The following F13B variants were observed in gnomAD, a reference collection of about 807,000 sequenced individuals.
The protein encoded by F13B is TGase.
In F13B, 58 loss-of-function variants were observed where a neutral mutation model predicts 79.8. The observed-to-expected ratio is 0.73, with a 90% CI of 0.59 to 0.90. The LOEUF (loss-of-function observed/expected upper bound fraction) is 0.90. Among genes scored for constraint, F13B ranks in the 40% least tolerant of loss-of-function variants. The pLI is 0.00. For missense variants in F13B, 773 were observed against 777.0 expected, an observed-to-expected ratio of 0.99 and a Z score of 0.06; for synonymous variants, 283 against 260.3, an observed-to-expected ratio of 1.09 and a Z score of -0.84.
chr1:197,040,474 CAATCTGACCAAAAAAAAT>C (rs779250152), intron 11 of F13B, 30 bp downstream of exon 11: 39 of 1,338,842 alleles, frequency 2.9e-5, no homozygotes, highest in Non-Finnish European at 3.7e-5. Flanking sequence ...TGTTGAATAA[CAATCTGACCAAAAAAAAT>C]AATCTGACCA....
chr1:197,046,053 A>G (rs1369509531), intron 10 of F13B, among the ~76,000 whole-genome samples: 1 of 152,164 alleles, frequency 6.6e-6, no homozygotes, highest in Non-Finnish European at 1.5e-5. Context: ...CCCACCACCA[A>G]TATCTTACTG....
chr1:197,042,817 TA>T (rs896748673), intron 10 of F13B, among the ~76,000 whole-genome samples: 1,500 of 134,076 alleles, frequency 0.011, 15 homozygotes, highest in Middle Eastern at 0.038. Flanking sequence ...GGAGACTGTC[TA>T]AAAAAAAAAA....
intron 5 of F13B, 24 bp downstream of exon 5, chr1:197,060,342 C>T (rs779319934): frequency 1.1e-5 from 17 of 1,580,338 alleles, no homozygotes; most frequent in African/African-American, 8.1e-5. Context: ...TGGCATTTTG[C>T]GAGTATTAAA....
In F13B at chr1:197,050,743, C is replaced by A; in HGVS notation, c.1692G>T (p.Glu564Asp). The A allele has an allele frequency of 6.2e-7, 1 of 1,613,190 alleles. No homozygotes were observed. The highest frequency in any genetic ancestry group is 8.5e-7 in the Non-Finnish European group (1 of 1,179,550). The change falls in exon 10 of 12, where the codon GAG becomes GAT. Residue 564 changes from glutamate (E) to aspartate (D), a missense_variant. Physicochemically the swap from Glu to Asp is conservative, Grantham distance 45 (BLOSUM62 2). Coordinates refer to ENST00000367412, the MANE Select transcript of F13B (RefSeq NM_001994.3). ...FDHHFLEGSR[E>D]AYCLDGMWTT... ...TCCACATTCCATCTAAACAATAGGC[C>A]TCCCTAGATCCTTCTAGGAAATGGT...
intron 1 of F13B, among the ~76,000 whole-genome samples, chr1:197,065,610 G>A (rs1656020385): frequency 6.6e-6 from 1 of 152,118 alleles, no homozygotes; most frequent in Admixed American, 6.6e-5. Context: ...CTGCCATTCT[G>A]CAAAAGTAAT....
rs577879343 is a variant in F13B at position 197,062,076 on chromosome 1, G to A, written c.266-107C>T. On this transcript the variant is annotated intron_variant, in intron 2 of 11. Transcript: ENST00000367412. ...ATGTTATTATTGGCGATTTCATTTT[G>A]GAAATATCTGCATAATTTTTTTGAA... is the stretch of plus-strand genomic sequence containing the variant. 12 of 927,100 alleles carry A rather than the reference G, an allele frequency of 1.3e-5. No homozygotes were observed. The Admixed American group carries it at 1.8e-4, about 14-fold the overall frequency. 57.4% of individuals were successfully genotyped at this position (927,100 alleles called of 1,614,324 possible). A position where few individuals can be genotyped will look rare whatever the true frequency, so the allele number is the denominator to read the frequency against.
chr1:197,042,498 T>C (rs1056013337), intron 10 of F13B, among the ~76,000 whole-genome samples: 1 of 151,690 alleles, frequency 6.6e-6, no homozygotes, highest in Non-Finnish European at 1.5e-5. Context: ...AGTAAGGTTC[T>C]GGAAAAAATG....
intron 8 of F13B, 151 bp from the exon 9 acceptor site, chr1:197,052,985 G>A: frequency 1.8e-6 from 1 of 553,538 alleles, no homozygotes; most frequent in Non-Finnish European, 3.1e-6. Flanking sequence ...ATATATATAA[G>A]AAAATATATA....
At chr1:197,062,756 A>G (rs1357873317) in intron 2 of F13B, 101 bp downstream of exon 2, 2 of 1,074,274 alleles carry the variant, frequency 1.9e-6, no homozygotes, top group African/African-American at 3.1e-5. Flanking sequence ...GTTCTTATCT[A>G]CTAAAAGGTT....
Position 197,055,782 on chromosome 1 carries a change from G to A in F13B, c.1287C>T (p.Tyr429=), listed in dbSNP as rs748806152. 1.9e-6 allele frequency: 3 copies of A among 1,613,534 alleles called. No homozygotes were observed. Among genetic ancestry groups the A allele is most frequent in the African/African-American group, 2.7e-5 (2 of 74,972 alleles). Residue 429 remains tyrosine, a synonymous_variant, in exon 8 of 12, where the codon TAC becomes TAT. Coordinates refer to ENST00000367412, the MANE Select transcript of F13B (RefSeq NM_001994.3). ...SSVEYRCNEY[Y]LLRGSKISRC... is the part of the protein sequence containing the mutation. ...GAGATATTTTTGATCCCCTCAGTAA[G>A]TAATATTCATTGCATCTATATTCCA...
chr1:197,040,291 C>T (rs1654988402), intron 11 of F13B: 1 of 486,198 alleles, frequency 2.1e-6, no homozygotes, highest in Admixed American at 3.6e-5. Flanking sequence ...GCCAAAGTGT[C>T]ACAAATATCA....
At chr1:197,050,000 TAGAA>T (rs1277387601) in intron 10 of F13B, among the ~76,000 whole-genome samples, 5 of 152,026 alleles carry the variant, frequency 3.3e-5, no homozygotes, top group Non-Finnish European at 2.9e-5. Context: ...TTCGGCAAAA[TAGAA>T]AGAAAGGTTT....
At chr1:197,051,425 T>C (rs1445291622) in intron 9 of F13B, among the ~76,000 whole-genome samples, 1 of 152,150 alleles carries the variant, frequency 6.6e-6, no homozygotes, top group Non-Finnish European at 1.5e-5. Context: ...GTATATATTA[T>C]TTTCCTTTTC....
chr1:197,048,693 C>T (rs556858433), intron 10 of F13B, among the ~76,000 whole-genome samples: 5 of 152,168 alleles, frequency 3.3e-5, no homozygotes, highest in East Asian at 1.9e-4. Flanking sequence ...CTTTAACATG[C>T]TTCTCTCCGT....
In F13B at chr1:197,060,610, A is replaced by G. The variant is rs768387469; in HGVS notation, c.629-68T>C. On this transcript the variant is annotated intron_variant, in intron 4 of 11. Transcript: ENST00000367412. Reference sequence around the variant, plus strand: ...TTTTTCTGCTACAACAAAATGCACTATTTACATGACATAACTAGAATAGAA... The same window carrying G: ...TTTTTCTGCTACAACAAAATGCACTGTTTACATGACATAACTAGAATAGAA... 2.0e-4 allele frequency: 224 copies of G among 1,116,710 alleles called. 1 individual carries two copies. The highest frequency in any genetic ancestry group is 2.7e-4 in the Non-Finnish European group (205 of 760,948). 69.2% of individuals were successfully genotyped at this position (1,116,710 alleles called of 1,614,324 possible).
At chr1:197,051,020 C>T (rs1404123643) in intron 9 of F13B, 141 bp from the exon 10 acceptor site, 1 of 695,550 alleles carries the variant, frequency 1.4e-6, no homozygotes, top group Admixed American at 2.2e-5. Flanking sequence ...CAACCTCTGC[C>T]TCCCAGGCTC....
intron 1 of F13B, among the ~76,000 whole-genome samples, chr1:197,063,348 CAG>C (rs2125074638): frequency 6.6e-6 from 1 of 152,060 alleles, no homozygotes; most frequent in East Asian, 1.9e-4. Flanking sequence ...TTCCTAGACA[CAG>C]AGTCTTCCTC....
intron 3 of F13B, among the ~76,000 whole-genome samples, chr1:197,061,319 A>G (rs190054351): frequency 2.6e-5 from 4 of 152,222 alleles, no homozygotes; most frequent in East Asian, 3.9e-4. Flanking sequence ...CCAAAATTCA[A>G]CTAAAGGCTT....
chr1:197,047,321 C>T (rs373955291), intron 10 of F13B, among the ~76,000 whole-genome samples: 4 of 152,112 alleles, frequency 2.6e-5, no homozygotes, highest in Non-Finnish European at 5.9e-5. Context: ...GAGAAAAAAA[C>T]AACCCCATCA....
Sources: gnomAD v4.1 joint callset for allele counts (sites outside exome capture counted in the v4.1 genomes callset) on GRCh38, gnomAD v4.1.1 for gene constraint, MANE v1.5 for transcripts, NCBI Gene and HGNC (gene_info 2026-07-23, HGNC 2026-07-21) for gene names.